MAOB: variants seen among roughly 807,000 people sequenced by gnomAD.
MAOB encodes monoamine oxidase B, also known as amine oxidase [flavin-containing] B.
In MAOB, 15 loss-of-function variants were observed where a neutral mutation model predicts 41.9. That is an observed-to-expected ratio of 0.36 (90% CI 0.24 to 0.55). MAOB has a LOEUF of 0.55. MAOB is among the 20% of genes least tolerant of loss of function. The pLI is 0.86. For missense variants in MAOB, 345 were observed against 398.7 expected, an observed-to-expected ratio of 0.87 and a Z score of 1.15; for synonymous variants, 167 against 144.2, an observed-to-expected ratio of 1.16 and a Z score of -1.13.
intron 10 of MAOB, 24 bp from the exon 11 acceptor site, chrX:43,778,763 A>G (rs1008540450): frequency 3.5e-6 from 4 of 1,151,208 alleles, no homozygotes; most frequent in Non-Finnish European, 2.4e-6. Flanking sequence ...GAGACAAAAG[A>G]GAAAATAAAG....
chrX:43,879,077 C>T (rs956375456), intron 1 of MAOB, among the ~76,000 whole-genome samples: 1 of 111,774 alleles, frequency 8.9e-6, no homozygotes, highest in Non-Finnish European at 1.9e-5. Context: ...CTGAGAGACG[C>T]GGGACAGATG....
At position 43,768,721 on chromosome X, in the gene MAOB, A is replaced by C. The variant is rs887765585; in HGVS notation, c.1348-5T>G. 3.3e-6 allele frequency: 4 copies of C among 1,203,213 alleles called. No homozygotes were observed. The highest frequency in any genetic ancestry group is 1.7e-5 in the African/African-American group (1 of 57,664). On this transcript the variant is annotated splice_region_variant and splice_polypyrimidine_tract_variant and intron_variant, in intron 13 of 14. Coordinates refer to ENST00000378069, the MANE Select transcript of MAOB (RefSeq NM_000898.5). ...CTTCCCCATGGCATGCAGGATCTGA[A>C]ATGAAAGAACACACTGGCAAATAGC...
chrX:43,772,979 A>T (rs1477978469), intron 12 of MAOB, among the ~76,000 whole-genome samples: 1 of 112,078 alleles, frequency 8.9e-6, no homozygotes, highest in African/African-American at 3.2e-5. Context: ...TAGCCTGCAG[A>T]ACTATGAGCC....
chrX:43,775,736 T>A (rs1420929141), intron 11 of MAOB, among the ~76,000 whole-genome samples: 3 of 111,871 alleles, frequency 2.7e-5, no homozygotes, highest in African/African-American at 9.7e-5. Flanking sequence ...AACAAACATG[T>A]TTTTGTGGCA....
At chrX:43,860,280 C>A (rs763504163) in intron 1 of MAOB, among the ~76,000 whole-genome samples, 1 of 111,867 alleles carries the variant, frequency 8.9e-6, no homozygotes, top group Non-Finnish European at 1.9e-5. Context: ...ATGTAAACTG[C>A]CTACTTAATT....
intron 1 of MAOB, among the ~76,000 whole-genome samples, chrX:43,854,164 C>T (rs1259826606): frequency 1.8e-5 from 2 of 111,714 alleles, no homozygotes; most frequent in African/African-American, 6.5e-5. Flanking sequence ...TTCGAGTGAC[C>T]TGTTGGAACT....
At chrX:43,867,874 A>T (rs1002733718) in intron 1 of MAOB, among the ~76,000 whole-genome samples, 10 of 112,504 alleles carry the variant, frequency 8.9e-5, no homozygotes, top group Admixed American at 1.9e-4. Flanking sequence ...ATTGCATTTT[A>T]AAAATATTGA....
rs1217654270 is a variant in MAOB, at chrX:43,882,282, G to C, written c.18C>G (p.Asp6Glu). Residue 6 changes from aspartate (D) to glutamate (E), a missense_variant, in exon 1 of 15, where the codon GAC becomes GAG. Coordinates refer to ENST00000378069, the MANE Select transcript of MAOB (RefSeq NM_000898.5). MSNKC[D>E]VVVVGGGISG... ...AGATGCCGCCCCCCACCACGACCAC[G>C]TCGCATTTGTTGCTCATGGCGCTCG... The C allele has an allele frequency of 8.3e-7, 1 of 1,209,399 alleles. No homozygotes were observed.
intron 1 of MAOB, among the ~76,000 whole-genome samples, chrX:43,853,966 G>A (rs2035272042): frequency 8.9e-6 from 1 of 112,472 alleles, no homozygotes; most frequent in Non-Finnish European, 1.9e-5. Context: ...TAATATACAT[G>A]GGAAATGTTA....
chrX:43,780,613 G>C (rs1043871346), intron 9 of MAOB, among the ~76,000 whole-genome samples: 1 of 112,029 alleles, frequency 8.9e-6, no homozygotes, highest in African/African-American at 3.2e-5. Flanking sequence ...GCGACTAAAA[G>C]TAGATGACTG....
chrX:43,824,641 C>T (rs768769319), intron 3 of MAOB, among the ~76,000 whole-genome samples: 8 of 111,617 alleles, frequency 7.2e-5, no homozygotes, highest in Non-Finnish European at 1.1e-4. Context: ...CGAGATCACT[C>T]CATTGCACTC....
intron 3 of MAOB, among the ~76,000 whole-genome samples, chrX:43,829,005 T>C (rs1185467625): frequency 8.9e-6 from 1 of 111,942 alleles, no homozygotes; most frequent in Admixed American, 9.5e-5. Context: ...CATGTACATA[T>C]GAATTTGGTT....
intron 10 of MAOB, 107 bp from the exon 11 acceptor site, chrX:43,778,846 G>T: frequency 1.8e-6 from 1 of 553,223 alleles, no homozygotes; most frequent in Non-Finnish European, 3.0e-6. Context: ...ATGAGCCATT[G>T]ATTCCACTCC....
intron 3 of MAOB, among the ~76,000 whole-genome samples, chrX:43,826,629 C>T: frequency 8.9e-6 from 1 of 112,148 alleles, no homozygotes; most frequent in East Asian, 2.8e-4. Flanking sequence ...AAGGTGCTGG[C>T]ATCTGGTGAG....
At chrX:43,846,319 C>T (rs2035202214) in intron 1 of MAOB, among the ~76,000 whole-genome samples, 3 of 111,754 alleles carry the variant, frequency 2.7e-5, no homozygotes. Flanking sequence ...ATGCATTTAC[C>T]CAATAATATC....
rs754487596 is a variant in MAOB, at chrX:43,848,135, G to A, written c.47-4371C>T. Among the ~76,000 whole-genome samples, 5 of 111,426 alleles carry A rather than the reference G, an allele frequency of 4.5e-5. No individual in the cohort carries two copies. In the South Asian group the frequency reaches 1.5e-3, roughly 34 times the overall value. On this transcript the variant is annotated intron_variant, in intron 1 of 14. Transcript: ENST00000378069. ...GCCAAGAAAATGGCCCAAGTTAGAT[G>A]CTGTGGGAGACTGGGAAATACACAG...
rs1186561808 is a variant in MAOB at position 43,780,324 on chromosome X, C to T, written c.1079+18G>A. The T allele has an allele frequency of 1.9e-5, 22 of 1,182,605 alleles. No homozygotes were observed. The highest frequency in any genetic ancestry group is 2.4e-5 in the Non-Finnish European group (21 of 873,487). ...GAAAGGAAGGAAGAAACGAAAGAAG[C>T]AGCATTTCTTTTGTTACCTTTCCTC... On this transcript the variant is annotated intron_variant, in intron 10 of 14. Coordinates refer to ENST00000378069, the MANE Select transcript of MAOB (RefSeq NM_000898.5).
intron 1 of MAOB, chrX:43,844,071 C>T: frequency 9.4e-6 from 3 of 320,501 alleles, no homozygotes; most frequent in Non-Finnish European, 1.3e-5. Flanking sequence ...CAAGGCCATG[C>T]TCAAGAGAAA....
chrX:43,768,738 G>A (rs1339423795), intron 13 of MAOB, 22 bp from the exon 14 acceptor site: 6 of 1,156,011 alleles, frequency 5.2e-6, no homozygotes, highest in Non-Finnish European at 7.1e-6. Flanking sequence ...GAACACACTG[G>A]CAAATAGCAA....
Sources: gnomAD v4.1 joint callset for allele counts (sites outside exome capture counted in the v4.1 genomes callset) on GRCh38, gnomAD v4.1.1 for gene constraint, MANE v1.5 for transcripts, NCBI Gene and HGNC (gene_info 2026-07-23, HGNC 2026-07-21) for gene names.